Variants in MYRIP observed in about 807,000 individuals in gnomAD.
The protein encoded by MYRIP is myosin VIIA and Rab interacting protein.
MYRIP carries 49 observed loss-of-function variants against 98.0 expected under a neutral mutation model. The observed-to-expected ratio is 0.50, with a 90% CI of 0.40 to 0.63. MYRIP has a LOEUF of 0.63. Among genes scored for constraint, MYRIP ranks in the 30% least tolerant of loss-of-function variants. The probability of loss-of-function intolerance (pLI) is 0.00; values close to 1 mark genes in which losing one functional copy is unlikely to be tolerated. For synonymous variants in MYRIP, 404 were observed against 409.5 expected (o/e 0.99, Z 0.16); for missense variants, 1,004 against 1,058.2 (o/e 0.95, Z 0.71).
chr3:40,047,591 A>G (rs1559379360), intron 3 of MYRIP, among the ~76,000 whole-genome samples: 1 of 152,174 alleles, frequency 6.6e-6, no homozygotes. Flanking sequence ...TTATGTCTTG[A>G]GATTATTATT....
At chr3:40,010,207 C>T (rs1946731652) in intron 2 of MYRIP, among the ~76,000 whole-genome samples, 1 of 152,194 alleles carries the variant, frequency 6.6e-6, no homozygotes, top group Admixed American at 6.5e-5. Context: ...AGCACAAAGC[C>T]AGCAGATTTC....
At chr3:39,986,034 G>A (rs1946023445) in intron 2 of MYRIP, among the ~76,000 whole-genome samples, 1 of 152,098 alleles carries the variant, frequency 6.6e-6, no homozygotes. Context: ...CTACAAAATG[G>A]GAGAAAATTT....
intron 1 of MYRIP, among the ~76,000 whole-genome samples, chr3:39,881,723 C>T (rs1943159424): frequency 6.6e-6 from 1 of 152,118 alleles, no homozygotes; most frequent in South Asian, 2.1e-4. Context: ...TTGGAGGACC[C>T]TGGTGACTCC....
At position 39,821,343 on chromosome 3, in the gene MYRIP, C is replaced by G. The variant is rs374550127; in HGVS notation, c.-31+11427C>G. Among the ~76,000 whole-genome samples the G allele has an allele frequency of 4.7e-4, 72 of 152,140 alleles. 1 individual carries two copies. The highest frequency in any genetic ancestry group is 4.5e-3 in the Admixed American group (69 of 15,294). On this transcript the variant is annotated intron_variant, in intron 1 of 16. Coordinates refer to ENST00000302541, the MANE Select transcript of MYRIP (RefSeq NM_015460.4). The stretch of plus-strand genomic sequence containing the variant: ...CCCCGACCCCTGTACCACCCCGCCC[C>G]GACTTAGTGCCTTCTTTGCCTTTTG...
intron 16 of MYRIP, among the ~76,000 whole-genome samples, chr3:40,253,398 A>G (rs1432436336): frequency 1.3e-5 from 2 of 152,244 alleles, no homozygotes; most frequent in African/African-American, 4.8e-5. Flanking sequence ...CTTACTTTTA[A>G]TCAGTGAAAT....
rs75840089 is a variant in MYRIP at position 40,163,891 on chromosome 3, G to C, written c.550+1081G>C. Among the ~76,000 whole-genome samples the C allele has an allele frequency of 2.6e-3, 399 of 152,124 alleles. 2 individuals carry two copies. Among genetic ancestry groups the C allele is most frequent in the African/African-American group, 9.4e-3 (389 of 41,488 alleles). On this transcript the variant is annotated intron_variant, in intron 5 of 16. Transcript: ENST00000302541. The stretch of plus-strand genomic sequence containing the variant: ...ATACAGATGACTTCTCATGAAAATT[G>C]TGTCCTGTATTATCCTTACTACCTG...
chr3:39,911,769 G>C (rs1944026225), intron 2 of MYRIP, among the ~76,000 whole-genome samples: 1 of 152,218 alleles, frequency 6.6e-6, no homozygotes, highest in Non-Finnish European at 1.5e-5. Context: ...TCCTCTCTCT[G>C]TGCTGTGCTG....
At chr3:39,836,283 A>G (rs1336861574) in intron 1 of MYRIP, among the ~76,000 whole-genome samples, 3 of 152,116 alleles carry the variant, frequency 2.0e-5, no homozygotes, top group Non-Finnish European at 4.4e-5. Context: ...ATGATTGACA[A>G]TCTAACTGGC....
chr3:40,205,158 T>G (rs1408222216), intron 10 of MYRIP, among the ~76,000 whole-genome samples: 1 of 152,100 alleles, frequency 6.6e-6, no homozygotes, highest in African/African-American at 2.4e-5. Flanking sequence ...CATATCATCA[T>G]GAGGTGGGGG....
At chr3:39,863,393 A>G (rs78303299) in intron 1 of MYRIP, among the ~76,000 whole-genome samples, 3,667 of 152,102 alleles carry the variant, frequency 0.024, 104 homozygotes, top group East Asian at 0.089. Context: ...TTAATAAAAC[A>G]GGCCACCACC....
intron 11 of MYRIP, among the ~76,000 whole-genome samples, chr3:40,218,598 C>CACACAT (rs143584008): frequency 0.061 from 833 of 13,734 alleles, 27 homozygotes; most frequent in East Asian, 0.22. Context: ...CACACACACA[C>CACACAT]ATATATATAT....
chr3:39,827,872 T>C (rs1008934966), intron 1 of MYRIP, among the ~76,000 whole-genome samples: 3 of 138,374 alleles, frequency 2.2e-5, no homozygotes, highest in Non-Finnish European at 4.7e-5. Context: ...ATATTCTTGA[T>C]TGGCAGTTTT....
chr3:40,040,985 AAAAAAAAAG>A (rs769419036), intron 2 of MYRIP, among the ~76,000 whole-genome samples: 3,639 of 95,310 alleles, frequency 0.038, 117 homozygotes, highest in East Asian at 0.095. Context: ...GTATAATAAA[AAAAAAAAAG>A]AAAAAAAAAA....
intron 2 of MYRIP, among the ~76,000 whole-genome samples, chr3:40,021,955 C>T (rs922191909): frequency 6.6e-6 from 1 of 152,188 alleles, no homozygotes; most frequent in African/African-American, 2.4e-5. Flanking sequence ...TAAAAGCAGA[C>T]ACAAAGCGGA....
At chr3:40,065,553 G>T (rs1310367667) in intron 3 of MYRIP, among the ~76,000 whole-genome samples, 1 of 152,088 alleles carries the variant, frequency 6.6e-6, no homozygotes, top group Non-Finnish European at 1.5e-5. Context: ...CAGGATGTTA[G>T]TCTGGAATTG....
intron 2 of MYRIP, among the ~76,000 whole-genome samples, chr3:39,992,147 A>T (rs2125772850): frequency 1.3e-5 from 2 of 152,326 alleles, no homozygotes; most frequent in South Asian, 4.1e-4. Flanking sequence ...GAAATTGGTC[A>T]CAAGTAGGAG....
At chr3:39,903,436 C>G (rs1381021350) in intron 2 of MYRIP, among the ~76,000 whole-genome samples, 1 of 152,034 alleles carries the variant, frequency 6.6e-6, no homozygotes, top group Non-Finnish European at 1.5e-5. Context: ...GTTTCTCTGG[C>G]TAGGTTTTGT....
intron 2 of MYRIP, among the ~76,000 whole-genome samples, chr3:39,970,562 GC>G (rs1428365518): frequency 1.3e-5 from 2 of 151,980 alleles, no homozygotes; most frequent in African/African-American, 4.8e-5. Context: ...CCACTTATTT[GC>G]CAGACATAAA....
intron 11 of MYRIP, among the ~76,000 whole-genome samples, chr3:40,216,542 A>G (rs1460089845): frequency 1.3e-5 from 2 of 152,218 alleles, no homozygotes; most frequent in Admixed American, 6.6e-5. Context: ...CACAACATTA[A>G]GAGATTCACA....
Sources: gnomAD v4.1 joint callset for allele counts (sites outside exome capture counted in the v4.1 genomes callset) on GRCh38, gnomAD v4.1.1 for gene constraint, MANE v1.5 for transcripts, NCBI Gene and HGNC (gene_info 2026-07-23, HGNC 2026-07-21) for gene names.